Variants in TAOK2 observed in about 807,000 individuals in gnomAD.
The protein encoded by TAOK2 is TAO kinase 2, also known as serine/threonine-protein kinase TAO2.
TAOK2 carries 42 observed loss-of-function variants against 122.5 expected under a neutral mutation model. The ratio of observed to expected loss-of-function variants is 0.34; its 90% CI spans 0.27 to 0.44. The LOEUF (loss-of-function observed/expected upper bound fraction) is 0.44, where lower values mean the gene tolerates loss of function less well. Among genes scored for constraint, TAOK2 ranks in the 20% least tolerant of loss-of-function variants. TAOK2 has a pLI of 1.00. For missense variants in TAOK2, 1,264 were observed against 1,644.9 expected (o/e 0.77, Z 4.01); for synonymous variants, 704 against 677.6 (o/e 1.04, Z -0.61).
chr16:29,987,911 A>G lies in TAOK2; in HGVS notation c.3639A>G (p.Pro1213=). The G allele has an allele frequency of 6.3e-7, 1 of 1,578,922 alleles. No homozygotes were observed. Among genetic ancestry groups the G allele is most frequent in the Non-Finnish European group, 8.6e-7 (1 of 1,167,010 alleles). Reference sequence around the variant, plus strand: ...TAGGGCCCCCTGCCTCCCGCCAGCCACTGCCAGGGACTCTAGCCGGGCGGA... The same window carrying G: ...TAGGGCCCCCTGCCTCCCGCCAGCCGCTGCCAGGGACTCTAGCCGGGCGGA... ...RQLGPPASRQ[P]LPGTLAGRRS... Residue 1213 remains proline, a synonymous_variant, in exon 16 of 16, where the codon CCA becomes CCG. Transcript: ENST00000308893.
chr16:29,986,735 A>G lies in TAOK2; in HGVS notation c.2463A>G (p.Ser821=). 1.9e-6 allele frequency: 3 copies of G among 1,614,092 alleles called. No homozygotes were observed. The highest frequency in any genetic ancestry group is 8.5e-7 in the Non-Finnish European group (1 of 1,179,998). Residue 821 remains serine, a synonymous_variant, in exon 16 of 16, where the codon TCA becomes TCG. Coordinates refer to ENST00000308893, the MANE Select transcript of TAOK2 (RefSeq NM_016151.4). This position sits in a 1 kb window ranked among gnomAD's most constrained non-coding sequence, Gnocchi z 4.2. The part of the protein sequence containing the change: ...PKQQRILGEE[S]GAPSPSPQKH... ...AGCAGAGGATTCTGGGGGAAGAATC[A>G]GGAGCCCCTAGTCCCAGTCCACAAA...
chr16:29,981,586 G>A (rs778764749), intron 8 of TAOK2, 75 bp from the exon 9 acceptor site: 7 of 1,395,398 alleles, frequency 5.0e-6, no homozygotes, highest in Non-Finnish European at 6.1e-6. Flanking sequence ...TTGAACCCAA[G>A]TCGTCTCAGT....
Position 29,974,294 on chromosome 16 carries a change from T to G in TAOK2, c.-390T>G, listed in dbSNP as rs1228784562. On this transcript the variant is annotated 5_prime_UTR_variant, in exon 1 of 16. Transcript: ENST00000308893. Reference sequence around the variant, plus strand: ...TCTCTGTTTCATAGAATTTCAAATATCAGGTTCAGGCCCCTGCGTGCACCA... The same window carrying G: ...TCTCTGTTTCATAGAATTTCAAATAGCAGGTTCAGGCCCCTGCGTGCACCA... 1 of 152,612 alleles carries G rather than the reference T, an allele frequency of 6.6e-6. No individual in the cohort carries two copies. The highest frequency in any genetic ancestry group is 6.5e-5 in the Admixed American group (1 of 15,290). 9.5% of individuals were successfully genotyped at this position (152,612 alleles called of 1,614,324 possible).
Position 29,983,245 on chromosome 16 carries a change from A to G in TAOK2, c.1173A>G (p.Glu391=), listed in dbSNP as rs764182943. 1.2e-5 allele frequency: 19 copies of G among 1,611,290 alleles called. No homozygotes were observed. Among genetic ancestry groups the G allele is most frequent in the Admixed American group, 1.0e-4 (6 of 59,968 alleles). ...AGGAGGAGGAAGAGGAGGAGGAGGA[A>G]GAAGGCCCTGAAGCCCGGGAGATGG... The part of the protein sequence containing the change: ...EEEEEEEEEE[E]EGPEAREMAM... The change falls in exon 12 of 16, where the codon GAA becomes GAG. Residue 391 remains glutamate, a synonymous_variant. Transcript: ENST00000308893.
chr16:29,982,150 C>T (rs919171698), intron 10 of TAOK2, among the ~76,000 whole-genome samples: 6 of 152,190 alleles, frequency 3.9e-5, no homozygotes, highest in African/African-American at 1.2e-4. Context: ...ACTGTTTTCC[C>T]TTCTTTTATT....
At chr16:29,989,884 G>A, downstream of TAOK2, 3 of 1,457,172 alleles carry the variant, frequency 2.1e-6, no homozygotes, top group East Asian at 2.5e-5. Flanking sequence ...ACGGTGCAGG[G>A]CATGCACAGA....
chr16:29,975,267 C>G (rs1266446261), intron 1 of TAOK2, among the ~76,000 whole-genome samples: 1 of 152,210 alleles, frequency 6.6e-6, no homozygotes, highest in Non-Finnish European at 1.5e-5. Flanking sequence ...CAGCCATTCT[C>G]TCATGTGACA....
At chr16:29,991,612 G>A, downstream of TAOK2, 1 of 1,433,926 alleles carries the variant, frequency 7.0e-7, no homozygotes, top group East Asian at 2.7e-5. The surrounding 1 kb of genome is among the most constrained non-coding windows in gnomAD (Gnocchi z 5.6). Flanking sequence ...GGCAGGGGTG[G>A]GTGGAGCCTG....
downstream of TAOK2, chr16:29,989,703 C>A: frequency 1.2e-6 from 2 of 1,614,090 alleles, no homozygotes; most frequent in Non-Finnish European, 1.7e-6. Context: ...AAGCTCAGCA[C>A]AAGAGCCTCC....
Position 29,987,725 on chromosome 16 carries a change from G to A in TAOK2, c.3453G>A (p.Trp1151Ter), listed in dbSNP as rs1173182915. The change falls in exon 16 of 16, where the codon TGG (tryptophan) becomes TGA (stop). Residue 1151 changes from tryptophan (W) to a stop codon, truncating the protein, a stop_gained. Coordinates refer to ENST00000308893, the MANE Select transcript of TAOK2 (RefSeq NM_016151.4). LOFTEE classifies it high-confidence loss of function. Reference protein sequence around the residue: ...QHPLALLARVWVLCKGWNWRL... With the variant: ...QHPLALLARV ...CATTAGCTCTGTTGGCAAGGGTCTG[G>A]GTCCTGTGCAAGGGCTGGAACTGGC... is the stretch of plus-strand genomic sequence containing the variant. 6.2e-7 allele frequency: 1 copy of A among 1,614,084 alleles called. No homozygotes were observed.
chr16:29,976,389 T>A (rs2069455324), intron 1 of TAOK2, among the ~76,000 whole-genome samples: 1 of 152,180 alleles, frequency 6.6e-6, no homozygotes, highest in Non-Finnish European at 1.5e-5. Context: ...AGAGTCAGGC[T>A]CCCTCCTTGC....
In TAOK2 at chr16:29,986,953, C is replaced by T. The variant is rs1216926728; in HGVS notation, c.2681C>T (p.Ala894Val). 1.2e-6 allele frequency: 2 copies of T among 1,613,946 alleles called. No individual in the cohort carries two copies. Among genetic ancestry groups the T allele is most frequent in the Non-Finnish European group, 1.7e-6 (2 of 1,179,878 alleles). The change falls in exon 16 of 16, where the codon GCA becomes GTA. Residue 894 changes from alanine to valine, a missense_variant. By Grantham distance (64) the Ala-to-Val change is moderately conservative. Coordinates refer to ENST00000308893, the MANE Select transcript of TAOK2 (RefSeq NM_016151.4). The surrounding 1 kb of genome is among the most constrained non-coding windows in gnomAD (Gnocchi z 4.2). ...EFELGWVQGPALTPVPEEEEE... is the reference protein window; with the variant it reads ...EFELGWVQGPVLTPVPEEEEE... ...GAGCTTGGCTGGGTCCAGGGCCCAG[C>T]ACTGACTCCCGTCCCTGAGGAGGAG... is the stretch of plus-strand genomic sequence containing the variant.
chr16:29,984,329 C>T (rs143705877), intron 13 of TAOK2, among the ~76,000 whole-genome samples: 1,582 of 152,316 alleles, frequency 0.01, 10 homozygotes, highest in Non-Finnish European at 0.015. Flanking sequence ...GGCCCTTAGT[C>T]CTCTCCTAAA....
intron 1 of TAOK2, among the ~76,000 whole-genome samples, chr16:29,977,149 C>A (rs1034298283): frequency 1.3e-5 from 2 of 152,190 alleles, no homozygotes; most frequent in Admixed American, 1.3e-4. Context: ...CCATTTATAT[C>A]CCTATTCTTC....
downstream of TAOK2, chr16:29,988,829 TATGA>T: frequency 1.0e-6 from 1 of 984,998 alleles, no homozygotes; most frequent in Non-Finnish European, 1.2e-6. Context: ...CCAGGCGGAG[TATGA>T]AGGCTGTGGC....
At chr16:29,978,940 C>A (rs759520540) in intron 5 of TAOK2, 34 bp from the exon 6 acceptor site, 2 of 1,613,494 alleles carry the variant, frequency 1.2e-6, no homozygotes, top group African/African-American at 1.3e-5. Context: ...CACCCTTGCG[C>A]TCCCTCGGGT....
At chr16:29,984,713 C>G (rs1353323477) in intron 13 of TAOK2, among the ~76,000 whole-genome samples, 4 of 152,128 alleles carry the variant, frequency 2.6e-5, no homozygotes, top group African/African-American at 4.8e-5. Flanking sequence ...TCTTGTGGCC[C>G]CGATCCCACC....
chr16:29,978,661 A>AC, intron 4 of TAOK2, 138 bp from the exon 5 acceptor site: 1 of 934,016 alleles, frequency 1.1e-6, no homozygotes, highest in Non-Finnish European at 1.7e-6. Context: ...CTCTCCCACC[A>AC]CCCCCTCATT....
At position 29,986,667 on chromosome 16, in the gene TAOK2, A is replaced by C; in HGVS notation, c.2395A>C (p.Arg799=). Residue 799 remains arginine, a synonymous_variant, in exon 16 of 16, where the codon AGA becomes CGA. Coordinates refer to ENST00000308893, the MANE Select transcript of TAOK2 (RefSeq NM_016151.4). The surrounding 1 kb of genome is among the most constrained non-coding windows in gnomAD (Gnocchi z 4.2). The stretch of plus-strand genomic sequence containing the variant: ...CGAGGAGGAGGAAGCAGTTGGAGAG[A>C]GAAGGATTCTGGGAAAGGAAGGGGC... The part of the protein sequence containing the change: ...LGEEEEAVGE[R]RILGKEGATL... 6.2e-7 allele frequency: 1 copy of C among 1,612,846 alleles called. No homozygotes were observed. Among genetic ancestry groups the C allele is most frequent in the Non-Finnish European group, 8.5e-7 (1 of 1,179,552 alleles).
Sources: allele counts gnomAD v4.1 joint callset (sites outside exome capture counted in the v4.1 genomes callset), GRCh38; gene constraint gnomAD v4.1.1; non-coding constraint Gnocchi (gnomAD v3.1); transcripts MANE v1.5; gene names NCBI Gene and HGNC (gene_info 2026-07-23, HGNC 2026-07-21).